MNT: variants seen among roughly 807,000 people sequenced by gnomAD.
MNT encodes MAX network transcriptional repressor.
MNT carries 13 observed loss-of-function variants against 40.7 expected under a neutral mutation model. The ratio of observed to expected loss-of-function variants is 0.32; its 90% CI spans 0.21 to 0.51. The LOEUF (loss-of-function observed/expected upper bound fraction) is 0.51. MNT is among the 20% of genes least tolerant of loss of function. The probability of loss-of-function intolerance (pLI) is 0.98; values close to 1 mark genes in which losing one functional copy is unlikely to be tolerated. For synonymous variants in MNT, 426 were observed against 354.8 expected (o/e 1.20, Z -2.26); for missense variants, 757 against 792.0 (o/e 0.96, Z 0.53).
Position 2,395,063 on chromosome 17 carries a change from G to A in MNT, c.465C>T (p.Ala155=). Residue 155 remains alanine (A), a synonymous_variant, in exon 2 of 6, where the codon GCC becomes GCT. Coordinates refer to ENST00000174618, the MANE Select transcript of MNT (RefSeq NM_020310.3). ...TPAPLLPDSK[A]TIPPNGSPKP... is the part of the protein sequence containing the mutation. The stretch of plus-strand genomic sequence containing the variant: ...TGGGGCTGCCATTGGGTGGAATGGT[G>A]GCCTTCGAGTCCGGCAGTAGGGGAG... The A allele has an allele frequency of 5.1e-6, 8 of 1,554,110 alleles. No homozygotes were observed. The highest frequency in any genetic ancestry group is 6.9e-6 in the Non-Finnish European group (8 of 1,151,086).
intron 1 of MNT, among the ~76,000 whole-genome samples, chr17:2,398,201 G>C (rs57165687): frequency 0.081 from 12,390 of 152,264 alleles, 684 homozygotes; most frequent in African/African-American, 0.14. Context: ...CAACTCCCTC[G>C]AAACAAGGCA....
At chr17:2,388,340 C>T (rs963528293) in intron 4 of MNT, 4 of 386,610 alleles carry the variant, frequency 1.0e-5, no homozygotes, top group Non-Finnish European at 1.9e-5. Context: ...GGGGCTTCTC[C>T]GCCTCTCGCC....
chr17:2,389,836 T>A (rs1295990245), intron 4 of MNT: 2 of 152,142 alleles, frequency 1.3e-5, no homozygotes, highest in Admixed American at 6.6e-5. Context: ...ACTCCACCCT[T>A]CCCTTCCTAC....
intron 4 of MNT, chr17:2,393,768 C>T (rs558499736): frequency 7.6e-4 from 137 of 179,624 alleles, no homozygotes; most frequent in African/African-American, 3.1e-3. Flanking sequence ...CACCAGGCGT[C>T]ACGGCGCGCG....
At position 2,387,371 on chromosome 17, in the gene MNT, G is replaced by A. The variant is rs1343235609; in HGVS notation, c.1279C>T (p.Pro427Ser). 6.2e-7 allele frequency: 1 copy of A among 1,612,292 alleles called. No homozygotes were observed. The change falls in exon 6 of 6, where the codon CCA (proline) becomes TCA (serine). Residue 427 changes from proline (P) to serine (S), a missense_variant. By Grantham distance (74) the Pro-to-Ser change is moderately conservative. Transcript: ENST00000174618. The part of the protein sequence containing the change: ...AAPAQTLVPA[P>S]AHLVATAGGG... The stretch of plus-strand genomic sequence containing the variant: ...CCAGCCGTCGCCACCAGATGGGCTG[G>A]AGCTGGCACCAGTGTCTGGGCAGGG...
chr17:2,395,453 C>G lies in MNT; in HGVS notation c.75G>C (p.Glu25Asp). The G allele has an allele frequency of 6.2e-7, 1 of 1,611,848 alleles. No homozygotes were observed. The highest frequency in any genetic ancestry group is 8.5e-7 in the Non-Finnish European group (1 of 1,179,844). ...WQAQQQQRAR[E>D]EQERLRLEQE... ...GCTCCAAGCGAAGCCGCTCCTGCTC[C>G]TCTACACAGAGAGAACACAAGGGGG... Residue 25 changes from glutamate (E) to aspartate (D), a missense_variant and splice_region_variant, in exon 2 of 6, where the codon GAG becomes GAC. Physicochemically the swap from Glu to Asp is conservative, Grantham distance 45 (BLOSUM62 2). Coordinates refer to ENST00000174618, the MANE Select transcript of MNT (RefSeq NM_020310.3).
At chr17:2,395,850 A>T (rs1457283569) in intron 1 of MNT, among the ~76,000 whole-genome samples, 1 of 152,016 alleles carries the variant, frequency 6.6e-6, no homozygotes, top group Non-Finnish European at 1.5e-5. Flanking sequence ...CACAGGGCCG[A>T]GGTGGGAGAG....
Position 2,387,416 on chromosome 17 carries a change from G to A in MNT, c.1234C>T (p.Pro412Ser). 1 of 1,612,042 alleles carries A rather than the reference G, an allele frequency of 6.2e-7. No individual in the cohort carries two copies. The highest frequency in any genetic ancestry group is 8.5e-7 in the Non-Finnish European group (1 of 1,178,954). ...QPQQKTPLPA[P>S]PPPPAAPAQT... Reference sequence around the variant, plus strand: ...GCAGGGGCAGCCGGTGGGGGAGGAGGGGCTGGCAGAGGGGTCTTCTGCTGT... The same window carrying A: ...GCAGGGGCAGCCGGTGGGGGAGGAGAGGCTGGCAGAGGGGTCTTCTGCTGT... The change falls in exon 6 of 6, where the codon CCT becomes TCT. Residue 412 changes from proline to serine, a missense_variant. This residue lies in a region of MNT where 345 missense variants were observed against 380.1 expected (regional missense o/e 0.91). Transcript: ENST00000174618.
chr17:2,389,979 A>C (rs2066499994), intron 4 of MNT: 2 of 152,172 alleles, frequency 1.3e-5, no homozygotes, highest in South Asian at 4.1e-4. Context: ...AGGGTGAAGA[A>C]AAGAGCCCCA....
chr17:2,392,195 C>T (rs1056602234), intron 4 of MNT: 4 of 152,166 alleles, frequency 2.6e-5, no homozygotes, highest in East Asian at 1.9e-4. Context: ...TTTACTTGCT[C>T]GCCACCATTC....
chr17:2,389,589 C>T (rs79319469), intron 4 of MNT: 22,539 of 152,336 alleles, frequency 0.15, 2,243 homozygotes, highest in Admixed American at 0.28. Context: ...AGTGTTTTAT[C>T]TTTGATTCTC....
chr17:2,386,382 G>A lies in MNT; in HGVS notation c.*519C>T, dbSNP rs2066461592. 1 of 154,610 alleles carries A rather than the reference G, an allele frequency of 6.5e-6. No individual in the cohort carries two copies. The highest frequency in any genetic ancestry group is 6.5e-5 in the Admixed American group (1 of 15,406). 9.6% of individuals were successfully genotyped at this position (154,610 alleles called of 1,614,324 possible). On this transcript the variant is annotated 3_prime_UTR_variant, in exon 6 of 6. Transcript: ENST00000174618. ...TCCTATGATCTGTCACCTGTGCTCA[G>A]AGCAAGGCCCCTTATCACCCCAATC...
intron 1 of MNT, 93 bp from the exon 2 acceptor site, chr17:2,395,547 C>T: frequency 1.3e-6 from 2 of 1,564,954 alleles, no homozygotes; most frequent in Admixed American, 3.7e-5. Context: ...AGTCAGTACT[C>T]AGTGACACCC....
At position 2,394,269 on chromosome 17, in the gene MNT, G is replaced by GCACACACACA. The variant is rs771759353; in HGVS notation, c.695+35_695+36insTGTGTGTGTG. On this transcript the variant is annotated intron_variant, in intron 3 of 5. Transcript: ENST00000174618. ...GCCGGGGCCCGGGTCGCGCGCGCAC[G>GCACACACACA]CACGCACGCACACACACACACACAC... The GCACACACACA allele has an allele frequency of 8.7e-5, 129 of 1,490,646 alleles. No individual in the cohort carries two copies. The African/African-American group carries it at 1.1e-3, about 13-fold the overall frequency. 92.3% of individuals were successfully genotyped at this position (1,490,646 alleles called of 1,614,324 possible). A position where few individuals can be genotyped will look rare whatever the true frequency, so the allele number is the denominator to read the frequency against.
intron 1 of MNT, among the ~76,000 whole-genome samples, chr17:2,395,671 T>C (rs1340512061): frequency 1.3e-5 from 2 of 151,784 alleles, no homozygotes; most frequent in African/African-American, 4.8e-5. Context: ...CACCAGGGAA[T>C]AGTAGGACAG....
At position 2,388,029 on chromosome 17, in the gene MNT, C is replaced by T. The variant is rs185455119; in HGVS notation, c.828G>A (p.Lys276=). ...GCCGCTCCATTTCATGCTCATATTC[C>T]TTCTCCTTCCTCTTCAGGGACTGGC... ...RYIQSLKRKE[K]EYEHEMERLA... is the part of the protein sequence containing the mutation. The change falls in exon 5 of 6, where the codon AAG becomes AAA. Residue 276 remains lysine (K), a synonymous_variant. Coordinates refer to ENST00000174618, the MANE Select transcript of MNT (RefSeq NM_020310.3). 2.6e-3 allele frequency: 4,052 copies of T among 1,561,188 alleles called. 118 individuals carry two copies. The Admixed American group carries it at 0.051, about 20-fold the overall frequency.
intron 3 of MNT, 53 bp from the exon 4 acceptor site, chr17:2,394,207 G>C (rs981538761): frequency 1.9e-6 from 3 of 1,599,724 alleles, no homozygotes; most frequent in Non-Finnish European, 2.6e-6. Flanking sequence ...GGCTGGGACG[G>C]GGGGAGGCAG....
intron 4 of MNT, chr17:2,389,664 C>G (rs2066497441): frequency 6.6e-6 from 1 of 152,458 alleles, no homozygotes; most frequent in Non-Finnish European, 1.5e-5. Flanking sequence ...CTGTCCCCTT[C>G]TCTCCCTGTA....
chr17:2,390,510 T>G (rs1190881530), intron 4 of MNT: 1 of 152,136 alleles, frequency 6.6e-6, no homozygotes, highest in Non-Finnish European at 1.5e-5. Flanking sequence ...AGTGTAGGTT[T>G]TGTGTGCTCC....
Sources: allele counts gnomAD v4.1 joint callset (sites outside exome capture counted in the v4.1 genomes callset), GRCh38; gene constraint gnomAD v4.1.1; regional missense constraint gnomAD v4.1.1; transcripts MANE v1.5; gene names NCBI Gene and HGNC (gene_info 2026-07-23, HGNC 2026-07-21).